The following ARHGAP10 variants were observed in gnomAD, a reference collection of about 807,000 sequenced individuals.
The protein encoded by ARHGAP10 is rho GTPase-activating protein 10.
A neutral mutation model predicts 108.6 loss-of-function variants in ARHGAP10; 87 were observed. The observed-to-expected ratio is 0.80, with a 90% CI of 0.67 to 0.96. The LOEUF (loss-of-function observed/expected upper bound fraction) is 0.96. Ranked by LOEUF, ARHGAP10 falls within the 40% of genes least tolerant of loss-of-function variation. The pLI, the probability that ARHGAP10 is intolerant of heterozygous loss-of-function variation, is 0.00. For synonymous variants in ARHGAP10, 347 were observed against 341.1 expected, an observed-to-expected ratio of 1.02 and a Z score of -0.19; for missense variants, 939 against 954.5, an observed-to-expected ratio of 0.98 and a Z score of 0.21.
At chr4:147,917,097 C>T (rs1737018922) in intron 13 of ARHGAP10, 1 of 152,220 alleles carries the variant, frequency 6.6e-6, no homozygotes, top group Non-Finnish European at 1.5e-5. Flanking sequence ...CATCAAAGAT[C>T]GCATGCACTT....
In ARHGAP10 at chr4:147,794,606, G is replaced by A. The variant is rs371917201; in HGVS notation, c.155-28121G>A. ...TTCTAGTAGCAGATTTTTTGGGATT[G>A]GTTTTTGTGTTTTCTGGAAATTGAG... On this transcript the variant is annotated intron_variant, in intron 1 of 22. Transcript: ENST00000336498. Among the ~76,000 whole-genome samples the A allele has an allele frequency of 9.9e-5, 15 of 152,098 alleles. No individual in the cohort carries two copies. The East Asian group carries it at 2.9e-3, about 29-fold the overall frequency.
At chr4:147,987,165 T>G (rs1440169943) in intron 18 of ARHGAP10, among the ~76,000 whole-genome samples, 1 of 152,214 alleles carries the variant, frequency 6.6e-6, no homozygotes, top group African/African-American at 2.4e-5. Flanking sequence ...AAAACTAACT[T>G]TTCTAAACTG....
At chr4:147,845,975 T>C (rs1733615137) in intron 3 of ARHGAP10, among the ~76,000 whole-genome samples, 1 of 152,218 alleles carries the variant, frequency 6.6e-6, no homozygotes, top group South Asian at 2.1e-4. Context: ...GATAAAATGA[T>C]ATTTTGAAAG....
intron 1 of ARHGAP10, among the ~76,000 whole-genome samples, chr4:147,765,247 T>A (rs1473718845): frequency 6.7e-6 from 1 of 149,828 alleles, no homozygotes; most frequent in Non-Finnish European, 1.5e-5. Flanking sequence ...TTTACATAAT[T>A]CACAGCCAGG....
chr4:147,758,931 A>G lies in ARHGAP10; in HGVS notation c.154+26476A>G, dbSNP rs1560742355. Among the ~76,000 whole-genome samples, 8 of 148,560 alleles carry G rather than the reference A, an allele frequency of 5.4e-5. No homozygotes were observed. In the South Asian group the frequency reaches 1.5e-3, roughly 28 times the overall value. On this transcript the variant is annotated intron_variant, in intron 1 of 22. Transcript: ENST00000336498. ...GAGGAGGAGGTTGCGGTGAGCAGAG[A>G]TCGTGCCACTGCACTCCGGTCTGGG...
At chr4:147,788,594 C>T (rs1400954784) in intron 1 of ARHGAP10, among the ~76,000 whole-genome samples, 1 of 152,196 alleles carries the variant, frequency 6.6e-6, no homozygotes. Flanking sequence ...GGGCAGGTTC[C>T]TCCATTAACC....
chr4:147,755,030 C>T (rs377591998), intron 1 of ARHGAP10, among the ~76,000 whole-genome samples: 23 of 150,880 alleles, frequency 1.5e-4, no homozygotes, highest in South Asian at 4.2e-4. Context: ...TGCAGTGAAC[C>T]GAGACTGCGC....
rs202046229 is a variant in ARHGAP10, at chr4:148,072,010, C to A, written c.2290C>A (p.Pro764Thr). The change falls in exon 23 of 23, where the codon CCT (proline) becomes ACT (threonine). Residue 764 changes from proline to threonine, a missense_variant. By Grantham distance (38) the Pro-to-Thr change is conservative. Coordinates refer to ENST00000336498, the MANE Select transcript of ARHGAP10 (RefSeq NM_024605.4). Reference sequence around the variant, plus strand: ...CTTTTCAGTACAAACCTCCAGGGAACCTGGCTGGCTAGAAGGGACTCTGAA... The same window carrying A: ...CTTTTCAGTACAAACCTCCAGGGAAACTGGCTGGCTAGAAGGGACTCTGAA... ...IFEDVQTSRE[P>T]GWLEGTLNGK... is the part of the protein sequence containing the mutation. 7 of 1,613,334 alleles carry A rather than the reference C, an allele frequency of 4.3e-6. No homozygotes were observed. Among genetic ancestry groups the A allele is most frequent in the African/African-American group, 1.3e-5 (1 of 74,890 alleles).
At chr4:147,873,537 G>C (rs1734925284) in intron 7 of ARHGAP10, among the ~76,000 whole-genome samples, 2 of 151,764 alleles carry the variant, frequency 1.3e-5, no homozygotes, top group Non-Finnish European at 2.9e-5. Flanking sequence ...ACAAAGATGG[G>C]GATAAGGGTG....
At chr4:147,917,623 A>G (rs1312875122) in intron 13 of ARHGAP10, among the ~76,000 whole-genome samples, 1 of 152,224 alleles carries the variant, frequency 6.6e-6, no homozygotes, top group African/African-American at 2.4e-5. Flanking sequence ...ATTTTAACTT[A>G]AGAGTTTCAG....
At position 148,066,840 on chromosome 4, in the gene ARHGAP10, A is replaced by G. The variant is rs567621691; in HGVS notation, c.2272+2333A>G. ...ATAGCATTGGGGCTACTAGAAAAAG[A>G]GGTTTCTGAGTTGCTATAGACGTAT... On this transcript the variant is annotated intron_variant, in intron 22 of 22. Coordinates refer to ENST00000336498, the MANE Select transcript of ARHGAP10 (RefSeq NM_024605.4). Among the ~76,000 whole-genome samples, 4 of 152,344 alleles carry G rather than the reference A, an allele frequency of 2.6e-5. No homozygotes were observed. In the South Asian group the frequency reaches 6.2e-4, roughly 24 times the overall value.
chr4:148,036,063 CCT>C (rs1728363634), intron 19 of ARHGAP10, among the ~76,000 whole-genome samples: 1 of 124,792 alleles, frequency 8.0e-6, no homozygotes, highest in Non-Finnish European at 1.6e-5. Context: ...AAAGGAGCTG[CCT>C]CTGTGTGTGT....
chr4:147,947,075 A>G (rs1211859804), intron 15 of ARHGAP10, among the ~76,000 whole-genome samples: 1 of 152,178 alleles, frequency 6.6e-6, no homozygotes, highest in Non-Finnish European at 1.5e-5. Flanking sequence ...AGTTTAAATG[A>G]TTTGAACTTA....
chr4:148,027,418 A>G (rs1309520269), intron 19 of ARHGAP10, among the ~76,000 whole-genome samples: 1 of 152,216 alleles, frequency 6.6e-6, no homozygotes, highest in African/African-American at 2.4e-5. Context: ...TTGGATCACG[A>G]ATGTGCTAAC....
chr4:147,907,039 C>G (rs1201324756), intron 11 of ARHGAP10, among the ~76,000 whole-genome samples: 1 of 152,090 alleles, frequency 6.6e-6, no homozygotes, highest in Non-Finnish European at 1.5e-5. Flanking sequence ...CAATAAATGC[C>G]TGCAATGCAT....
intron 1 of ARHGAP10, among the ~76,000 whole-genome samples, chr4:147,788,691 C>G (rs1730996727): frequency 6.6e-6 from 1 of 152,154 alleles, no homozygotes; most frequent in Admixed American, 6.5e-5. Flanking sequence ...GTCTGATTAT[C>G]TCAAATGATA....
intron 3 of ARHGAP10, among the ~76,000 whole-genome samples, chr4:147,840,475 G>T (rs902522733): frequency 6.6e-6 from 1 of 151,982 alleles, no homozygotes; most frequent in Admixed American, 6.5e-5. Context: ...TACCCCAGTT[G>T]GAAATGGCTG....
At chr4:147,842,849 C>G (rs1733469722) in intron 3 of ARHGAP10, among the ~76,000 whole-genome samples, 1 of 152,194 alleles carries the variant, frequency 6.6e-6, no homozygotes, top group African/African-American at 2.4e-5. Flanking sequence ...TTTTCCCTTC[C>G]TTGCTGGAGA....
At chr4:147,746,811 A>T (rs1728943200) in intron 1 of ARHGAP10, among the ~76,000 whole-genome samples, 1 of 152,190 alleles carries the variant, frequency 6.6e-6, no homozygotes, top group Non-Finnish European at 1.5e-5. Flanking sequence ...CTCAAATTGT[A>T]GATTTATGGC....
Sources: gnomAD v4.1 joint callset for allele counts (sites outside exome capture counted in the v4.1 genomes callset) on GRCh38, gnomAD v4.1.1 for gene constraint, MANE v1.5 for transcripts, NCBI Gene and HGNC (gene_info 2026-07-23, HGNC 2026-07-21) for gene names.